AKAP6: variants seen among roughly 807,000 people sequenced by gnomAD.
The protein encoded by AKAP6 is A-kinase anchor protein 6.
In AKAP6, 58 loss-of-function variants were observed where a neutral mutation model predicts 188.5. That is an observed-to-expected ratio of 0.31 (90% CI 0.25 to 0.38). AKAP6 has a LOEUF of 0.38. Ranked by LOEUF, AKAP6 falls within the 10% of genes least tolerant of loss-of-function variation. The pLI is 1.00. For missense variants in AKAP6, 2,710 were observed against 2,740.0 expected, an observed-to-expected ratio of 0.99 and a Z score of 0.24; for synonymous variants, 989 against 998.6, an observed-to-expected ratio of 0.99 and a Z score of 0.18.
chr14:32,427,338 C>T, intron 1 of AKAP6, among the ~76,000 whole-genome samples: 1 of 152,164 alleles, frequency 6.6e-6, no homozygotes, highest in Non-Finnish European at 1.5e-5. Flanking sequence ...CATCAGGCAG[C>T]AATTATGGAC....
rs534399437 is a variant in AKAP6, at chr14:32,753,331, C to A, written c.3372+17449C>A. Among the ~76,000 whole-genome samples, 68 of 152,156 alleles carry A rather than the reference C, an allele frequency of 4.5e-4. No homozygotes were observed. The South Asian group carries it at 8.7e-3, about 20-fold the overall frequency. ...GAGCATTTTTTCATAAACCTGTCTT[C>A]TGTTGAGAAATATCTGTTCAGGGAC... On this transcript the variant is annotated intron_variant, in intron 11 of 13. Coordinates refer to ENST00000280979, the MANE Select transcript of AKAP6 (RefSeq NM_004274.5).
chr14:32,587,098 G>A (rs1226786895), intron 5 of AKAP6, among the ~76,000 whole-genome samples: 1 of 152,126 alleles, frequency 6.6e-6, no homozygotes, highest in Non-Finnish European at 1.5e-5. Context: ...GCATCTTACT[G>A]TAGTTTAGTT....
chr14:32,760,135 A>G lies in AKAP6; in HGVS notation c.3373-13543A>G, dbSNP rs192328442. ...GACCAAACAAGGTTGTTTCATGCAA[A>G]TTATTGCAACAACACACTTATCCAG... On this transcript the variant is annotated intron_variant, in intron 11 of 13. Transcript: ENST00000280979. Among the ~76,000 whole-genome samples the G allele has an allele frequency of 3.3e-5, 5 of 152,340 alleles. No homozygotes were observed. The East Asian group carries it at 9.6e-4, about 29-fold the overall frequency.
chr14:32,531,685 C>G (rs1410701063), intron 2 of AKAP6, among the ~76,000 whole-genome samples: 1 of 152,092 alleles, frequency 6.6e-6, no homozygotes, highest in African/African-American at 2.4e-5. Context: ...CATCTATTGT[C>G]TATCATTATA....
chr14:32,529,186 A>G (rs1268362119), intron 2 of AKAP6, among the ~76,000 whole-genome samples: 1 of 152,070 alleles, frequency 6.6e-6, no homozygotes, highest in Non-Finnish European at 1.5e-5. Context: ...TCTTGTACAT[A>G]TGTTTTTAGA....
At chr14:32,383,734 A>G (rs563501770) in intron 1 of AKAP6, among the ~76,000 whole-genome samples, 1 of 152,212 alleles carries the variant, frequency 6.6e-6, no homozygotes, top group South Asian at 2.1e-4. Flanking sequence ...TCCTTGTGGG[A>G]GCATCTCCCT....
chr14:32,722,209 C>T (rs947269605), intron 9 of AKAP6, among the ~76,000 whole-genome samples: 1 of 152,170 alleles, frequency 6.6e-6, no homozygotes, highest in Non-Finnish European at 1.5e-5. Context: ...TGAATCTTCT[C>T]CCTTACTGAA....
intron 7 of AKAP6, among the ~76,000 whole-genome samples, chr14:32,617,526 G>A (rs114667196): frequency 0.032 from 4,837 of 152,224 alleles, 120 homozygotes; most frequent in African/African-American, 0.071. Context: ...AATGCTCAGC[G>A]TAATATATCC....
At position 32,717,183 on chromosome 14, in the gene AKAP6, G is replaced by A. The variant is rs147071895; in HGVS notation, c.3001-15271G>A. Among the ~76,000 whole-genome samples, 775 of 152,178 alleles carry A rather than the reference G, an allele frequency of 5.1e-3. 9 individuals carry two copies. The highest frequency in any genetic ancestry group is 0.018 in the African/African-American group (728 of 41,538). On this transcript the variant is annotated intron_variant, in intron 9 of 13. Coordinates refer to ENST00000280979, the MANE Select transcript of AKAP6 (RefSeq NM_004274.5). ...AAAATTCTCAAAAATCACATGTTTTGGTACTCACATCTTCTTGAAAAGTTA... is the reference window on the plus strand; with the variant it reads ...AAAATTCTCAAAAATCACATGTTTTAGTACTCACATCTTCTTGAAAAGTTA...
chr14:32,494,596 A>G (rs1880212953), intron 2 of AKAP6, among the ~76,000 whole-genome samples: 1 of 152,114 alleles, frequency 6.6e-6, no homozygotes, highest in South Asian at 2.1e-4. Context: ...GGGAATGAGT[A>G]TTCTTTATAG....
At chr14:32,515,986 A>G (rs1368089952) in intron 2 of AKAP6, among the ~76,000 whole-genome samples, 1 of 152,208 alleles carries the variant, frequency 6.6e-6, no homozygotes, top group African/African-American at 2.4e-5. Flanking sequence ...GAGATGGTGA[A>G]TGAAGAGATG....
At chr14:32,746,876 G>A (rs143401664) in intron 11 of AKAP6, among the ~76,000 whole-genome samples, 4 of 152,296 alleles carry the variant, frequency 2.6e-5, no homozygotes, top group Admixed American at 6.5e-5. Flanking sequence ...CAGCCGGCTG[G>A]AGGAAGTCAG....
chr14:32,777,724 G>A (rs1413505362), intron 12 of AKAP6, among the ~76,000 whole-genome samples: 1 of 152,170 alleles, frequency 6.6e-6, no homozygotes, highest in African/African-American at 2.4e-5. Flanking sequence ...TTGAAGATTA[G>A]AATTAGAATC....
intron 11 of AKAP6, among the ~76,000 whole-genome samples, chr14:32,746,967 G>A (rs2031937635): frequency 6.6e-6 from 1 of 152,134 alleles, no homozygotes; most frequent in African/African-American, 2.4e-5. Flanking sequence ...AATAAAATGT[G>A]CACCATTGAC....
chr14:32,632,547 T>A (rs1158966339), intron 7 of AKAP6, among the ~76,000 whole-genome samples: 1 of 152,086 alleles, frequency 6.6e-6, no homozygotes, highest in Non-Finnish European at 1.5e-5. Flanking sequence ...CAGCAAACTT[T>A]ATGCTCAGAG....
At chr14:32,717,788 C>G (rs1318383037) in intron 9 of AKAP6, among the ~76,000 whole-genome samples, 1 of 152,070 alleles carries the variant, frequency 6.6e-6, no homozygotes, top group Non-Finnish European at 1.5e-5. Flanking sequence ...TACCCTAGAG[C>G]TTCTTTAAAC....
intron 2 of AKAP6, among the ~76,000 whole-genome samples, chr14:32,496,334 T>G (rs1438781413): frequency 1.3e-5 from 2 of 152,162 alleles, no homozygotes; most frequent in Non-Finnish European, 2.9e-5. Flanking sequence ...TGCATAACTT[T>G]GGATAAGTTT....
At chr14:32,662,143 T>A (rs1453621292) in intron 7 of AKAP6, among the ~76,000 whole-genome samples, 1 of 152,088 alleles carries the variant, frequency 6.6e-6, no homozygotes, top group African/African-American at 2.4e-5. Flanking sequence ...TAATAGATTA[T>A]TTGGAATGAA....
At chr14:32,331,458 T>TC (rs947149298) in intron 1 of AKAP6, among the ~76,000 whole-genome samples, 26 of 151,920 alleles carry the variant, frequency 1.7e-4, no homozygotes, top group African/African-American at 5.8e-4. Flanking sequence ...CTGTAATTTT[T>TC]CCCCCCGCAA....
Sources: gnomAD v4.1 joint callset for allele counts (sites outside exome capture counted in the v4.1 genomes callset) on GRCh38, gnomAD v4.1.1 for gene constraint, MANE v1.5 for transcripts, NCBI Gene and HGNC (gene_info 2026-07-23, HGNC 2026-07-21) for gene names.